PDE2A: variants seen among roughly 807,000 people sequenced by gnomAD.
The protein encoded by PDE2A is phosphodiesterase 2A, also known as cGMP-dependent 3',5'-cyclic phosphodiesterase.
PDE2A carries 53 observed loss-of-function variants against 133.6 expected under a neutral mutation model. The observed-to-expected ratio is 0.40, with a 90% CI of 0.32 to 0.50. The LOEUF is 0.50. Ranked by LOEUF, PDE2A falls within the 20% of genes least tolerant of loss-of-function variation. PDE2A has a pLI of 0.73. For synonymous variants in PDE2A, 491 were observed against 490.2 expected (o/e 1.00, Z -0.02); for missense variants, 796 against 1,232.4 (o/e 0.65, Z 5.30).
chr11:72,616,291 C>A (rs771909276), intron 2 of PDE2A, among the ~76,000 whole-genome samples: 2 of 152,224 alleles, frequency 1.3e-5, no homozygotes, highest in Non-Finnish European at 2.9e-5. Flanking sequence ...CCAGGCAAGT[C>A]TGACCCTCCC....
chr11:72,590,502 G>T lies in PDE2A; in HGVS notation c.628C>A (p.Pro210Thr). ...REAPRAVQNPPEGTAEDQKGG... is the reference protein window; with the variant it reads ...REAPRAVQNPTEGTAEDQKGG... ...TTCTGGTCTTCCGCCGTCCCCTCCG[G>T]GGGGTTCTGGACGGCTCGGGGAGCC... Residue 210 changes from proline to threonine, a missense_variant, in exon 8 of 31, where the codon CCG (proline) becomes ACG (threonine). This residue lies in a region of PDE2A where 417 missense variants were observed against 475.3 expected (regional missense o/e 0.88). Coordinates refer to ENST00000334456, the MANE Select transcript of PDE2A (RefSeq NM_002599.5). This position sits in a 1 kb window ranked among gnomAD's most constrained non-coding sequence, Gnocchi z 4.8. 1 of 1,510,824 alleles carries T rather than the reference G, an allele frequency of 6.6e-7. No homozygotes were observed. Among genetic ancestry groups the T allele is most frequent in the Non-Finnish European group, 8.8e-7 (1 of 1,134,234 alleles). 93.6% of individuals were successfully genotyped at this position (1,510,824 alleles called of 1,614,324 possible).
chr11:72,577,242 C>T lies in PDE2A; in HGVS notation c.*142G>A, dbSNP rs1855508174. Reference sequence around the variant, plus strand: ...TTATACAGACGAGAAAGCTGAGGCCCAGGAAGGTAGTACTTGTCCAGGGTC... The same window carrying T: ...TTATACAGACGAGAAAGCTGAGGCCTAGGAAGGTAGTACTTGTCCAGGGTC... On this transcript the variant is annotated 3_prime_UTR_variant, in exon 31 of 31. Coordinates refer to ENST00000334456, the MANE Select transcript of PDE2A (RefSeq NM_002599.5). The T allele has an allele frequency of 1.6e-6, 1 of 620,430 alleles. No homozygotes were observed. Among genetic ancestry groups the T allele is most frequent in the African/African-American group, 1.8e-5 (1 of 54,392 alleles). The allele number at this position is 620,430 out of a possible 1,614,324, so 38.4% of individuals were successfully genotyped here.
chr11:72,605,652 T>C (rs1364438966), intron 3 of PDE2A, among the ~76,000 whole-genome samples: 1 of 152,182 alleles, frequency 6.6e-6, no homozygotes, highest in Non-Finnish European at 1.5e-5. Flanking sequence ...CAGAATGTTC[T>C]AGGAAGCATC....
rs772476263 is a variant in PDE2A at position 72,581,867 on chromosome 11, G to A, written c.1922+10C>T. On this transcript the variant is annotated intron_variant, in intron 22 of 30. Coordinates refer to ENST00000334456, the MANE Select transcript of PDE2A (RefSeq NM_002599.5). ...AGGCGAAGACTGGGGCTGTCTGTGGGCGCACGAACCGGGCCAGGGTCGGGC... is the reference window on the plus strand; with the variant it reads ...AGGCGAAGACTGGGGCTGTCTGTGGACGCACGAACCGGGCCAGGGTCGGGC... 1.9e-5 allele frequency: 30 copies of A among 1,612,908 alleles called. No homozygotes were observed. The South Asian group carries it at 3.1e-4, about 17-fold the overall frequency.
At chr11:72,642,540 G>A in intron 1 of PDE2A, 8 of 297,170 alleles carry the variant, frequency 2.7e-5, no homozygotes, top group Non-Finnish European at 3.7e-5. Flanking sequence ...CGCCACCGCG[G>A]ACCGCACCTC....
chr11:72,642,005 C>A (rs555266152), intron 2 of PDE2A, among the ~76,000 whole-genome samples: 1 of 152,230 alleles, frequency 6.6e-6, no homozygotes, highest in African/African-American at 2.4e-5. Context: ...GCGGTCCCAC[C>A]GTGGACTGGA....
chr11:72,597,572 A>AAGCCCAGCCCATTGC lies in PDE2A; in HGVS notation c.356_370dup (p.Cys119_Gly123dup). The AAGCCCAGCCCATTGC allele has an allele frequency of 1.2e-6, 2 of 1,612,762 alleles. No homozygotes were observed. The highest frequency in any genetic ancestry group is 1.7e-6 in the Non-Finnish European group (2 of 1,179,864). ...CAAGGGCTTCCCTGGCAGGTCTGAG[A>AAGCCCAGCCCATTGC]AGCCCAGCCCATTGCAGCCCAGCCG... On this transcript the variant is annotated inframe_insertion, in exon 5 of 31. Coordinates refer to ENST00000334456, the MANE Select transcript of PDE2A (RefSeq NM_002599.5). The surrounding 1 kb of genome is among the most constrained non-coding windows in gnomAD (Gnocchi z 4.6).
chr11:72,607,856 G>T (rs1197521868), intron 3 of PDE2A, among the ~76,000 whole-genome samples: 1 of 152,202 alleles, frequency 6.6e-6, no homozygotes, highest in Non-Finnish European at 1.5e-5. Context: ...CCTCCAGGAA[G>T]TCTTCCATGC....
chr11:72,631,597 T>C (rs1398601601), intron 2 of PDE2A, among the ~76,000 whole-genome samples: 1 of 152,104 alleles, frequency 6.6e-6, no homozygotes, highest in East Asian at 1.9e-4. Context: ...CCAACCTGGG[T>C]GCTGTGAGTC....
chr11:72,581,808 G>C, intron 22 of PDE2A, 69 bp downstream of exon 22: 1 of 1,391,886 alleles, frequency 7.2e-7, no homozygotes, highest in Non-Finnish European at 1.0e-6. Context: ...CCAGAATGCC[G>C]GGGGCAACGG....
intron 16 of PDE2A, 155 bp from the exon 17 acceptor site, chr11:72,585,099 C>T: frequency 1.4e-6 from 1 of 695,656 alleles, no homozygotes; most frequent in Non-Finnish European, 2.4e-6. Context: ...AGAAACGTGT[C>T]CATTCAAGTG....
At chr11:72,579,094 C>T (rs3825011) in intron 27 of PDE2A, 85 bp from the exon 28 acceptor site, 224,352 of 1,100,904 alleles carry the variant, frequency 0.2, 28,167 homozygotes, top group East Asian at 0.51. Flanking sequence ...CAACCCAGAG[C>T]GGTCCAGGGA....
At chr11:72,586,035 C>A (rs1387886840) in intron 14 of PDE2A, 35 bp downstream of exon 14, 2 of 1,242,244 alleles carry the variant, frequency 1.6e-6, no homozygotes, top group South Asian at 2.5e-5. Context: ...CTGAGCGAGT[C>A]GGTGCCCGAG....
At chr11:72,591,020 T>C in intron 7 of PDE2A, 1 of 448,250 alleles carries the variant, frequency 2.2e-6, no homozygotes, top group East Asian at 3.8e-5. Flanking sequence ...CATCAAAAAG[T>C]CGAAAATTGT....
chr11:72,589,233 C>T lies in PDE2A; in HGVS notation c.881G>A (p.Gly294Glu). ...LGEEVSFPLT[G>E]CLGQVVEDKK... Reference sequence around the variant, plus strand: ...GTCTTCCACCACCTGGCCCAGGCATCCTGTCAACTAGGGGGTGAGGAGAGA... The same window carrying T: ...GTCTTCCACCACCTGGCCCAGGCATTCTGTCAACTAGGGGGTGAGGAGAGA... Residue 294 changes from glycine to glutamate, a missense_variant, in exon 12 of 31, where the codon GGA becomes GAA. Physicochemically the swap from Gly to Glu is moderately conservative, Grantham distance 98. Coordinates refer to ENST00000334456, the MANE Select transcript of PDE2A (RefSeq NM_002599.5). 1 of 1,613,356 alleles carries T rather than the reference C, an allele frequency of 6.2e-7. No homozygotes were observed. Among genetic ancestry groups the T allele is most frequent in the Non-Finnish European group, 8.5e-7 (1 of 1,179,496 alleles).
chr11:72,615,797 G>A (rs1020727671), intron 2 of PDE2A, among the ~76,000 whole-genome samples: 2 of 152,170 alleles, frequency 1.3e-5, no homozygotes, highest in Admixed American at 6.5e-5. Context: ...GAGGCAGCTC[G>A]CGGCAGTCAC....
At chr11:72,673,438 G>A (rs1260203694) in intron 1 of PDE2A, among the ~76,000 whole-genome samples, 2 of 146,322 alleles carry the variant, frequency 1.4e-5, no homozygotes, top group Non-Finnish European at 3.0e-5. Flanking sequence ...CTACCACCTC[G>A]GCAGCCCTTA....
At chr11:72,662,737 C>T (rs563581785) in intron 1 of PDE2A, among the ~76,000 whole-genome samples, 1 of 152,282 alleles carries the variant, frequency 6.6e-6, no homozygotes, top group South Asian at 2.1e-4. Context: ...CTCCTCTGGC[C>T]CATTTATGCA....
At position 72,590,810 on chromosome 11, in the gene PDE2A, C is replaced by T; in HGVS notation, c.550-230G>A. 1 of 435,418 alleles carries T rather than the reference C, an allele frequency of 2.3e-6. No individual in the cohort carries two copies. Among genetic ancestry groups the T allele is most frequent in the East Asian group, 3.5e-5 (1 of 28,174 alleles). The allele number at this position is 435,418 out of a possible 1,614,324, so 27.0% of individuals were successfully genotyped here. ...AGGAACAGGAGGGTACAGGGTCTAT[C>T]TCCATCCCTAGCCCCTAGATTCTTC... On this transcript the variant is annotated intron_variant, in intron 7 of 30. Transcript: ENST00000334456. The surrounding 1 kb of genome is among the most constrained non-coding windows in gnomAD (Gnocchi z 4.8).
Sources: allele counts gnomAD v4.1 joint callset (sites outside exome capture counted in the v4.1 genomes callset), GRCh38; gene constraint gnomAD v4.1.1; regional missense constraint gnomAD v4.1.1; non-coding constraint Gnocchi (gnomAD v3.1); transcripts MANE v1.5; gene names NCBI Gene and HGNC (gene_info 2026-07-23, HGNC 2026-07-21).